The following DST variants were observed in gnomAD, a reference collection of about 807,000 sequenced individuals.
The protein encoded by DST is dystonin, also known as bullous pemphigoid antigen.
DST carries 253 observed loss-of-function variants against 875.2 expected under a neutral mutation model. The ratio of observed to expected loss-of-function variants is 0.29; its 90% CI spans 0.26 to 0.32. The LOEUF (loss-of-function observed/expected upper bound fraction) is 0.32, where lower values mean the gene tolerates loss of function less well. Among genes scored for constraint, DST ranks in the 10% least tolerant of loss-of-function variants. DST has a pLI of 1.00. For missense variants in DST, 8,287 were observed against 9,111.6 expected (o/e 0.91, Z 3.68); for synonymous variants, 3,124 against 3,197.1 (o/e 0.98, Z 0.77).
intron 68 of DST, 79 bp downstream of exon 68, chr6:56,527,414 A>G (rs1296007056): frequency 1.4e-5 from 21 of 1,497,568 alleles, no homozygotes; most frequent in Non-Finnish European, 1.7e-5. Flanking sequence ...GACATAAGAC[A>G]AATATAATTT....
intron 4 of DST, among the ~76,000 whole-genome samples, chr6:56,834,684 C>T (rs530245252): frequency 3.3e-5 from 5 of 152,188 alleles, no homozygotes; most frequent in Middle Eastern, 3.4e-3. Context: ...ATCTGAAAGG[C>T]TAAAATACAA....
At chr6:56,764,722 C>T (rs540666653) in intron 4 of DST, among the ~76,000 whole-genome samples, 48 of 152,166 alleles carry the variant, frequency 3.2e-4, no homozygotes, top group African/African-American at 8.0e-4. Context: ...TTTTGGGAGG[C>T]CGAGGTGGGT....
Position 56,517,214 on chromosome 6 carries a change from TC to T in DST, c.18340del (p.Glu6114LysfsTer5). The T allele has an allele frequency of 6.2e-7, 1 of 1,612,794 alleles. No homozygotes were observed. The highest frequency in any genetic ancestry group is 8.5e-7 in the Non-Finnish European group (1 of 1,179,046). ...HKIMTACSEE[E>X]KQSMKKKLDK... ...AGATTATACCTTCATTGATTGCTTT[TC>T]CTCTTCACTGCATGCGGTCATGATT... On this transcript the variant is annotated frameshift_variant, in exon 71 of 104. Coordinates refer to ENST00000680361, the MANE Select transcript of DST (RefSeq NM_001374736.1). LOFTEE classifies it high-confidence loss of function.
chr6:56,950,997 C>G (rs1821997937), intron 2 of DST, among the ~76,000 whole-genome samples: 1 of 152,146 alleles, frequency 6.6e-6, no homozygotes, highest in Non-Finnish European at 1.5e-5. Context: ...AGGAAGGTGG[C>G]TTTTTTCCCT....
rs13191164 is a variant in DST, at chr6:56,701,832, G to A, written c.954+56C>T. On this transcript the variant is annotated intron_variant, in intron 8 of 103. Transcript: ENST00000680361. ...TTGTCATTCCTTGACATGTTTCTAC[G>A]TGGATGTATTAGTAACATATATTTA... 232,265 of 1,082,272 alleles carry A rather than the reference G, an allele frequency of 0.21. 28,810 individuals are homozygous for A. Among genetic ancestry groups the A allele is most frequent in the African/African-American group, 0.44 (27,951 of 63,406 alleles). The allele number at this position is 1,082,272 out of a possible 1,614,324, so 67.0% of individuals were successfully genotyped here. A position where few individuals can be genotyped will look rare whatever the true frequency, so the allele number is the denominator to read the frequency against.
At chr6:56,588,908 A>G (rs1183232946) in intron 49 of DST, among the ~76,000 whole-genome samples, 1 of 152,174 alleles carries the variant, frequency 6.6e-6, no homozygotes, top group Admixed American at 6.5e-5. Flanking sequence ...AAATTCTCCT[A>G]GCAGTTTAAT....
intron 5 of DST, among the ~76,000 whole-genome samples, chr6:56,719,268 T>G (rs1284616867): frequency 2.0e-5 from 3 of 152,216 alleles, no homozygotes; most frequent in African/African-American, 7.2e-5. Context: ...TAATTTGTAT[T>G]TATTGAAAAA....
At chr6:56,840,948 T>C (rs1011540353) in intron 4 of DST, among the ~76,000 whole-genome samples, 1 of 152,098 alleles carries the variant, frequency 6.6e-6, no homozygotes, top group Admixed American at 6.5e-5. Context: ...TGCAAACTCA[T>C]TCTGTAACCA....
chr6:56,803,300 A>G (rs1367826196), intron 4 of DST, among the ~76,000 whole-genome samples: 1 of 152,142 alleles, frequency 6.6e-6, no homozygotes, highest in Non-Finnish European at 1.5e-5. Context: ...ATCACTTTTA[A>G]AATTTATGCT....
At chr6:56,905,358 C>T (rs1042424359) in intron 2 of DST, among the ~76,000 whole-genome samples, 7 of 152,184 alleles carry the variant, frequency 4.6e-5, no homozygotes, top group African/African-American at 1.7e-4. Context: ...ATCTTTAGAA[C>T]TCATTCAGCT....
intron 10 of DST, among the ~76,000 whole-genome samples, chr6:56,661,058 A>G (rs562991102): frequency 1.3e-5 from 2 of 148,766 alleles, no homozygotes. Flanking sequence ...GTTGATAGAG[A>G]AGTAACTCCT....
intron 4 of DST, among the ~76,000 whole-genome samples, chr6:56,780,422 C>A (rs1454672138): frequency 6.6e-6 from 1 of 151,390 alleles, no homozygotes; most frequent in East Asian, 1.9e-4. Context: ...GCCATTCTAA[C>A]TGGTGTGAGA....
At chr6:56,951,609 A>G (rs1822331397) in intron 2 of DST, among the ~76,000 whole-genome samples, 2 of 152,230 alleles carry the variant, frequency 1.3e-5, no homozygotes. Context: ...ATGTAAGCAA[A>G]GTAGTGATGA....
At position 56,953,796 on chromosome 6, in the gene DST, A is replaced by C. The variant is rs1357818583; in HGVS notation, c.205T>G (p.Phe69Val). Residue 69 changes from phenylalanine (F) to valine (V), a missense_variant, in exon 2 of 104, where the codon TTT (phenylalanine) becomes GTT (valine). Phe to Val is a conservative substitution (Grantham distance 50, BLOSUM62 -1). Transcript: ENST00000680361. ...SRDAVLRSHH[F>V]RSEGFRASPR... ...GCTAAATAAATTACCTCAGAACGAA[A>C]GTGGTGCGATCTCAAAACAGCATCT... 2.3e-6 allele frequency: 3 copies of C among 1,316,820 alleles called. No homozygotes were observed. The highest frequency in any genetic ancestry group is 4.4e-5 in the Admixed American group (2 of 45,036). 81.6% of individuals were successfully genotyped at this position (1,316,820 alleles called of 1,614,324 possible). A position where few individuals can be genotyped will look rare whatever the true frequency, so the allele number is the denominator to read the frequency against.
chr6:56,521,868 A>G (rs951016173), intron 69 of DST, among the ~76,000 whole-genome samples: 3 of 152,102 alleles, frequency 2.0e-5, no homozygotes, highest in Non-Finnish European at 4.4e-5. Flanking sequence ...TGTAAGCAAC[A>G]TGGAGAGAAA....
intron 3 of DST, among the ~76,000 whole-genome samples, chr6:56,876,121 C>T (rs1278666760): frequency 6.6e-6 from 1 of 152,148 alleles, no homozygotes; most frequent in Non-Finnish European, 1.5e-5. Context: ...TCCAATGCCG[C>T]TCTCTTCCTT....
intron 27 of DST, among the ~76,000 whole-genome samples, chr6:56,633,389 G>C: frequency 6.6e-6 from 1 of 151,050 alleles, no homozygotes; most frequent in Non-Finnish European, 1.5e-5. Flanking sequence ...ACTACGCCCG[G>C]CTAATTTTTT....
intron 3 of DST, among the ~76,000 whole-genome samples, chr6:56,878,264 C>T (rs999992431): frequency 6.6e-6 from 1 of 152,096 alleles, no homozygotes; most frequent in Non-Finnish European, 1.5e-5. Context: ...TATCCTATGC[C>T]TTAAACCAAG....
chr6:56,649,503 A>G (rs916941638), intron 12 of DST, among the ~76,000 whole-genome samples: 1 of 152,080 alleles, frequency 6.6e-6, no homozygotes, highest in Non-Finnish European at 1.5e-5. Flanking sequence ...TGTGCCTTAA[A>G]ATAGTTTCTA....
Sources: gnomAD v4.1 joint callset for allele counts (sites outside exome capture counted in the v4.1 genomes callset) on GRCh38, gnomAD v4.1.1 for gene constraint, MANE v1.5 for transcripts, NCBI Gene and HGNC (gene_info 2026-07-23, HGNC 2026-07-21) for gene names.